NOSTRIN: variants seen among roughly 807,000 people sequenced by gnomAD.
NOSTRIN encodes the protein nitric oxide synthase trafficking.
NOSTRIN carries 63 observed loss-of-function variants against 59.0 expected under a neutral mutation model. The observed-to-expected ratio is 1.07, with a 90% CI of 0.87 to 1.32. The LOEUF (loss-of-function observed/expected upper bound fraction) is 1.32. Ranked by LOEUF, NOSTRIN falls within the 40% of genes most tolerant of loss-of-function variation. NOSTRIN has a pLI of 0.00. For missense variants in NOSTRIN, 512 were observed against 473.1 expected, an observed-to-expected ratio of 1.08 and a Z score of -0.76; for synonymous variants, 200 against 165.4, an observed-to-expected ratio of 1.21 and a Z score of -1.61.
intron 11 of NOSTRIN, chr2:168,856,018 C>T: frequency 2.9e-6 from 1 of 340,558 alleles, no homozygotes; most frequent in Non-Finnish European, 5.8e-6. Flanking sequence ...CAATGGAATA[C>T]TAGAGAGCAA....
intron 5 of NOSTRIN, among the ~76,000 whole-genome samples, chr2:168,829,312 T>C (rs559474314): frequency 6.6e-6 from 1 of 151,896 alleles, no homozygotes; most frequent in Non-Finnish European, 1.5e-5. Flanking sequence ...TTCTTTTTTT[T>C]TCTCTCTCTC....
chr2:168,864,296 T>C (rs1353247760), intron 15 of NOSTRIN, among the ~76,000 whole-genome samples: 8 of 136,160 alleles, frequency 5.9e-5, no homozygotes, highest in Non-Finnish European at 1.3e-4. Flanking sequence ...TTTTTTTTTT[T>C]CTGAGACAGA....
chr2:168,788,978 A>G (rs1685276373), intron 2 of NOSTRIN, among the ~76,000 whole-genome samples: 1 of 152,128 alleles, frequency 6.6e-6, no homozygotes, highest in Non-Finnish European at 1.5e-5. Flanking sequence ...CCTAGAGTCA[A>G]TGCCTCCTCA....
chr2:168,863,764 G>C (rs1408436190), intron 15 of NOSTRIN: 1 of 562,124 alleles, frequency 1.8e-6, no homozygotes, highest in Non-Finnish European at 2.3e-6. Context: ...CATACTTATA[G>C]CAGCCAACAC....
At chr2:168,806,264 C>T (rs1384369219) in intron 1 of NOSTRIN, among the ~76,000 whole-genome samples, 1 of 151,854 alleles carries the variant, frequency 6.6e-6, no homozygotes, top group African/African-American at 2.4e-5. Context: ...AGGATCATCA[C>T]TAATCAAAAA....
At chr2:168,860,681 AG>A (rs1689384059) in intron 13 of NOSTRIN, 113 bp from the exon 14 acceptor site, 88 of 697,412 alleles carry the variant, frequency 1.3e-4, no homozygotes, top group East Asian at 1.9e-4. Flanking sequence ...AAAAAAAAAA[AG>A]AAAAAACAAA....
chr2:168,847,854 C>T (rs1346626748), intron 8 of NOSTRIN, among the ~76,000 whole-genome samples: 2 of 152,148 alleles, frequency 1.3e-5, no homozygotes, highest in African/African-American at 4.8e-5. Flanking sequence ...TTTATTTCCT[C>T]CTCTTCTTAT....
intron 7 of NOSTRIN, among the ~76,000 whole-genome samples, chr2:168,839,364 C>T (rs1362212938): frequency 6.6e-6 from 1 of 152,076 alleles, no homozygotes; most frequent in East Asian, 1.9e-4. Context: ...CTCTTGATGT[C>T]CTTCCAGTGG....
At chr2:168,794,771 A>T (rs908999422), upstream of NOSTRIN, among the ~76,000 whole-genome samples, 3 of 151,794 alleles carry the variant, frequency 2.0e-5, no homozygotes, top group Admixed American at 6.6e-5. Flanking sequence ...TATACTTTTT[A>T]AAAAATTCAT....
intron 1 of NOSTRIN, 120 bp downstream of exon 1, chr2:168,802,793 T>G: frequency 1.3e-6 from 1 of 772,530 alleles, no homozygotes; most frequent in Non-Finnish European, 2.3e-6. Flanking sequence ...CATTTAGATA[T>G]TGGCTGTGGT....
intron 1 of NOSTRIN, 120 bp from the exon 2 acceptor site, chr2:168,811,447 C>T (rs187593195): frequency 4.2e-5 from 21 of 494,322 alleles, no homozygotes; most frequent in African/African-American, 1.2e-4. Context: ...TGTAGCTGCA[C>T]GATCCTTTAT....
Position 168,864,958 on chromosome 2 carries a change from T to C in NOSTRIN, c.1509T>C (p.Ala503=). The change falls in exon 16 of 16, where the codon GCT becomes GCC. Residue 503 remains alanine, a synonymous_variant. Coordinates refer to ENST00000317647, the MANE Select transcript of NOSTRIN (RefSeq NM_001039724.4). ...TACCTTCAAATGCTGGCAACACAGC[T>C]ACAAAGGCATAAAACAAGACTCTGA... ...EELPSNAGNT[A]TKA is the part of the protein sequence containing the mutation. 1 of 1,614,010 alleles carries C rather than the reference T, an allele frequency of 6.2e-7. No homozygotes were observed.
Position 168,845,790 on chromosome 2 carries a change from C to CTTCTTTTT in NOSTRIN, c.630+2675_630+2676insCTTTTTTT, listed in dbSNP as rs36186706. On this transcript the variant is annotated intron_variant, in intron 8 of 15. Coordinates refer to ENST00000317647, the MANE Select transcript of NOSTRIN (RefSeq NM_001039724.4). ...AGACCTAGTTTTAGTTTTTTTCTTC[C>CTTCTTTTT]TTTTTTTTTTTTTTTTTGTTAGAAT... 5.1e-4 allele frequency among the ~76,000 whole-genome samples: 72 copies of CTTCTTTTT among 140,610 alleles called. 3 individuals are homozygous for CTTCTTTTT. Among genetic ancestry groups the CTTCTTTTT allele is most frequent in the African/African-American group, 6.1e-4 (23 of 37,420 alleles). 92.2% of individuals were successfully genotyped at this position (140,610 alleles called of 152,430 possible).
At chr2:168,861,279 C>T (rs1007578962) in intron 14 of NOSTRIN, among the ~76,000 whole-genome samples, 33 of 152,176 alleles carry the variant, frequency 2.2e-4, no homozygotes, top group Non-Finnish European at 2.6e-4. Flanking sequence ...CTCTGCGAGA[C>T]ACATGGTGAT....
intron 6 of NOSTRIN, 62 bp downstream of exon 6, chr2:168,831,596 C>G: frequency 1.3e-6 from 1 of 798,736 alleles, no homozygotes; most frequent in Non-Finnish European, 2.3e-6. Context: ...GTTTTGCTTT[C>G]ATACAAATGC....
chr2:168,830,091 A>G (rs1687281750), intron 5 of NOSTRIN, among the ~76,000 whole-genome samples: 1 of 152,234 alleles, frequency 6.6e-6, no homozygotes, highest in African/African-American at 2.4e-5. Context: ...AGCAAGCAAT[A>G]TAACCTTCTG....
intron 8 of NOSTRIN, 71 bp downstream of exon 8, chr2:168,843,188 T>A (rs1025238315): frequency 1.4e-5 from 11 of 807,526 alleles, no homozygotes; most frequent in Non-Finnish European, 1.9e-5. Context: ...GAGGTCAGAT[T>A]ACAGTGACAA....
intron 7 of NOSTRIN, among the ~76,000 whole-genome samples, chr2:168,834,917 C>T (rs1036660486): frequency 1.3e-5 from 2 of 151,666 alleles, no homozygotes; most frequent in Non-Finnish European, 2.9e-5. Flanking sequence ...GAAATGTTTC[C>T]AGGATGAAAT....
At chr2:168,800,638 C>G (rs953224896), upstream of NOSTRIN, among the ~76,000 whole-genome samples, 1 of 152,142 alleles carries the variant, frequency 6.6e-6, no homozygotes, top group Non-Finnish European at 1.5e-5. Flanking sequence ...ATACAAAGAT[C>G]ACAGTAGGCT....
Sources: allele counts gnomAD v4.1 joint callset (sites outside exome capture counted in the v4.1 genomes callset), GRCh38; gene constraint gnomAD v4.1.1; transcripts MANE v1.5; gene names NCBI Gene and HGNC (gene_info 2026-07-23, HGNC 2026-07-21).